Variants in PITPNM3 observed in about 807,000 individuals in gnomAD.
PITPNM3 encodes membrane-associated phosphatidylinositol transfer protein 3.
Under a neutral mutation model 102.0 loss-of-function variants are expected in PITPNM3, and 26 were observed. The ratio of observed to expected loss-of-function variants is 0.25; its 90% confidence interval spans 0.19 to 0.35. The LOEUF is 0.35. Among genes scored for constraint, PITPNM3 ranks in the 10% least tolerant of loss-of-function variants. The probability of loss-of-function intolerance (pLI) is 1.00; values close to 1 mark genes in which losing one functional copy is unlikely to be tolerated. For synonymous variants in PITPNM3, 578 were observed against 558.6 expected (o/e 1.03, Z -0.49); for missense variants, 1,083 against 1,346.1 (o/e 0.80, Z 3.06).
At chr17:6,476,926 A>C in intron 9 of PITPNM3, 103 bp downstream of exon 9, 2 of 1,404,242 alleles carry the variant, frequency 1.4e-6, no homozygotes, top group Non-Finnish European at 2.0e-6. Context: ...TTCAGTGCTT[A>C]TCTATGGGCC....
At chr17:6,538,187 ATCTGTGCCCTC>A (rs1158558650) in intron 1 of PITPNM3, 105 bp from the exon 2 acceptor site, 3 of 799,570 alleles carry the variant, frequency 3.8e-6, no homozygotes, top group East Asian at 5.3e-5. Context: ...CATCCTGCAC[ATCTGTGCCCTC>A]TCCCTCCGAG....
intron 1 of PITPNM3, among the ~76,000 whole-genome samples, chr17:6,555,497 A>C (rs912520479): frequency 2.0e-5 from 3 of 152,184 alleles, no homozygotes; most frequent in African/African-American, 7.2e-5. Context: ...TGCCGAGACC[A>C]GGCTTGCTGC....
intron 14 of PITPNM3, among the ~76,000 whole-genome samples, chr17:6,466,246 G>A (rs1433224282): frequency 6.6e-6 from 1 of 152,158 alleles, no homozygotes; most frequent in East Asian, 1.9e-4. Flanking sequence ...TAGACTCAGC[G>A]CCATCATCGC....
intron 3 of PITPNM3, among the ~76,000 whole-genome samples, chr17:6,504,925 A>T (rs1400125577): frequency 6.6e-6 from 1 of 152,176 alleles, no homozygotes; most frequent in Non-Finnish European, 1.5e-5. Flanking sequence ...CTGTAATCCC[A>T]GCACTTTGGG....
intron 4 of PITPNM3, among the ~76,000 whole-genome samples, chr17:6,501,698 C>T (rs1292087785): frequency 6.6e-6 from 1 of 152,156 alleles, no homozygotes; most frequent in Non-Finnish European, 1.5e-5. Flanking sequence ...AGCCACTCTG[C>T]AAGCTCTTCC....
chr17:6,470,197 TGGAGAAGGGGCG>T lies in PITPNM3; in HGVS notation c.1773+51_1773+62del. On this transcript the variant is annotated intron_variant, in intron 13 of 19. Coordinates refer to ENST00000262483, the MANE Select transcript of PITPNM3 (RefSeq NM_031220.4). The surrounding 1 kb of genome is among the most constrained non-coding windows in gnomAD (Gnocchi z 4.8). ...CTGCAAGAATAGCCTCCTCTCCAGC[TGGAGAAGGGGCG>T]GTACCCCCTTGGGGTGGCTGTGGGC... 14 of 1,509,426 alleles carry T rather than the reference TGGAGAAGGGGCG, an allele frequency of 9.3e-6. No homozygotes were observed. Among genetic ancestry groups the T allele is most frequent in the Non-Finnish European group, 1.3e-5 (14 of 1,111,366 alleles). 93.5% of individuals were successfully genotyped at this position (1,509,426 alleles called of 1,614,324 possible). A position where few individuals can be genotyped will look rare whatever the true frequency, so the allele number is the denominator to read the frequency against.
intron 18 of PITPNM3, among the ~76,000 whole-genome samples, chr17:6,460,104 G>T (rs1264967576): frequency 6.6e-6 from 1 of 152,140 alleles, no homozygotes; most frequent in Admixed American, 6.5e-5. Context: ...ATCTTGGCCT[G>T]GTTTCCAAGG....
At chr17:6,534,796 TGG>T (rs1204525030) in intron 2 of PITPNM3, among the ~76,000 whole-genome samples, 1 of 150,822 alleles carries the variant, frequency 6.6e-6, no homozygotes, top group Non-Finnish European at 1.5e-5. Context: ...TGGGCAGGGG[TGG>T]GGGATCACGA....
intron 14 of PITPNM3, among the ~76,000 whole-genome samples, chr17:6,465,802 A>G (rs528815282): frequency 6.6e-6 from 1 of 152,128 alleles, no homozygotes; most frequent in South Asian, 2.1e-4. Flanking sequence ...CCCCACTCCC[A>G]GCCTGGCCTC....
chr17:6,462,155 G>A (rs551490222), intron 17 of PITPNM3, among the ~76,000 whole-genome samples: 16 of 152,142 alleles, frequency 1.1e-4, no homozygotes, highest in Non-Finnish European at 2.2e-4. Context: ...ACCCCACAAG[G>A]TTGTCCTAAA....
At position 6,505,774 on chromosome 17, in the gene PITPNM3, A is replaced by G. The variant is rs148208550; in HGVS notation, c.227-2200T>C. 1.2e-3 allele frequency among the ~76,000 whole-genome samples: 189 copies of G among 152,378 alleles called. 1 individual carries two copies. Among genetic ancestry groups the G allele is most frequent in the African/African-American group, 4.4e-3 (183 of 41,590 alleles). ...CCAAGCCCCATGCTAGGGGCCATGG[A>G]GGATACAGAGATGAGGAAGTCAGAG... On this transcript the variant is annotated intron_variant, in intron 3 of 19. Transcript: ENST00000262483.
At position 6,483,537 on chromosome 17, in the gene PITPNM3, C is replaced by T. The variant is rs1394236544; in HGVS notation, c.567G>A (p.Glu189=). Residue 189 remains glutamate (E), a synonymous_variant, in exon 6 of 20, where the codon GAG becomes GAA. Transcript: ENST00000262483. Reference sequence around the variant, plus strand: ...CTCACTGAGAGACAAGCGAGAAAGCCTCAGAGCAGATGGCAGGACAGGGGA... The same window carrying T: ...CTCACTGAGAGACAAGCGAGAAAGCTTCAGAGCAGATGGCAGGACAGGGGA... The part of the protein sequence containing the change: ...KFVPCPAICS[E]AFSLVSHLNP... The T allele has an allele frequency of 2.5e-6, 4 of 1,613,778 alleles. No individual in the cohort carries two copies. Among genetic ancestry groups the T allele is most frequent in the Non-Finnish European group, 3.4e-6 (4 of 1,179,962 alleles).
chr17:6,552,976 T>C (rs1030761816), intron 1 of PITPNM3, among the ~76,000 whole-genome samples: 6 of 151,900 alleles, frequency 3.9e-5, no homozygotes, highest in Admixed American at 6.6e-5. Context: ...TTCACCGTGT[T>C]AGCCAGGATG....
rs546737045 is a variant in PITPNM3, at chr17:6,463,612, C to T, written c.2306+120G>A. On this transcript the variant is annotated intron_variant, in intron 17 of 19. Coordinates refer to ENST00000262483, the MANE Select transcript of PITPNM3 (RefSeq NM_031220.4). ...TGGAGGTAAAGCCAGGGCTTCTCAG[C>T]TCGCAGCCCCAGAGACCGGTAGAAT... 5.9e-5 allele frequency: 83 copies of T among 1,397,518 alleles called. 1 individual carries two copies. In the East Asian group the frequency reaches 2.1e-3, roughly 35 times the overall value. 86.6% of individuals were successfully genotyped at this position (1,397,518 alleles called of 1,614,324 possible).
chr17:6,457,780 T>C lies in PITPNM3; in HGVS notation c.2491-58A>G, dbSNP rs770086586. The C allele has an allele frequency of 5.2e-6, 8 of 1,549,282 alleles. No individual in the cohort carries two copies. The highest frequency in any genetic ancestry group is 7.0e-6 in the Non-Finnish European group (8 of 1,147,078). ...AGGCCAGCCCACCCCCTGGAAAGCC[T>C]TCCCAGGCCAACCCCAGGGGGCCCC... is the stretch of plus-strand genomic sequence containing the variant. On this transcript the variant is annotated intron_variant, in intron 18 of 19. Transcript: ENST00000262483. This position sits in a 1 kb window ranked among gnomAD's most constrained non-coding sequence, Gnocchi z 4.7.
Position 6,454,062 on chromosome 17 carries a change from A to G in PITPNM3, c.*1276T>C, listed in dbSNP as rs1333951284. On this transcript the variant is annotated 3_prime_UTR_variant, in exon 20 of 20. Transcript: ENST00000262483. ...AGGTTATGGGCACAAACTGAGCAGC[A>G]GGGGAAAGGGAAGAGAATACAACAG... The G allele has an allele frequency of 6.6e-6, 1 of 152,468 alleles. No individual in the cohort carries two copies. Among genetic ancestry groups the G allele is most frequent in the African/African-American group, 2.4e-5 (1 of 41,462 alleles). The allele number at this position is 152,468 out of a possible 1,614,324, so 9.4% of individuals were successfully genotyped here.
intron 3 of PITPNM3, among the ~76,000 whole-genome samples, chr17:6,520,048 C>T (rs1908420587): frequency 6.6e-6 from 1 of 152,026 alleles, no homozygotes; most frequent in Admixed American, 6.5e-5. Flanking sequence ...AGCATATTGG[C>T]AAAAATTATG....
chr17:6,482,379 G>A (rs909433339), intron 6 of PITPNM3, among the ~76,000 whole-genome samples: 1 of 152,118 alleles, frequency 6.6e-6, no homozygotes, highest in Non-Finnish European at 1.5e-5. Context: ...AGAGCTGAAC[G>A]CGTGGAGGTT....
rs748557306 is a variant in PITPNM3, at chr17:6,525,462, C to T, written c.120G>A (p.Glu40=). ...SSDDEFFDAR[E]EMAEGKNAIL... ...TGGCATTCTTCCCTTCAGCCATCTC[C>T]TCTGTGGGAAGAAGCAGCGGTGAGC... Residue 40 remains glutamate, a splice_region_variant and synonymous_variant, in exon 3 of 20, where the codon GAG becomes GAA. Coordinates refer to ENST00000262483, the MANE Select transcript of PITPNM3 (RefSeq NM_031220.4). 1.9e-6 allele frequency: 3 copies of T among 1,613,244 alleles called. No homozygotes were observed. The highest frequency in any genetic ancestry group is 2.2e-5 in the East Asian group (1 of 44,872).
Sources: allele counts gnomAD v4.1 joint callset (sites outside exome capture counted in the v4.1 genomes callset), GRCh38; gene constraint gnomAD v4.1.1; non-coding constraint Gnocchi (gnomAD v3.1); transcripts MANE v1.5; gene names NCBI Gene and HGNC (gene_info 2026-07-23, HGNC 2026-07-21).